AOPEP: variants seen among roughly 807,000 people sequenced by gnomAD.
AOPEP encodes aminopeptidase O (putative).
A neutral mutation model predicts 98.1 loss-of-function variants in AOPEP; 77 were observed. The observed-to-expected ratio is 0.78, with a 90% confidence interval of 0.65 to 0.95. The LOEUF (loss-of-function observed/expected upper bound fraction) is 0.95. AOPEP is among the 40% of genes least tolerant of loss of function. AOPEP has a pLI of 0.00. For missense variants in AOPEP, 1,024 were observed against 1,024.7 expected, an observed-to-expected ratio of 1.00 and a Z score of 0.01; for synonymous variants, 346 against 365.3, an observed-to-expected ratio of 0.95 and a Z score of 0.60.
chr9:94,773,098 T>C lies in AOPEP; in HGVS notation c.894T>C (p.Val298=). 1 of 1,614,184 alleles carries C rather than the reference T, an allele frequency of 6.2e-7. No individual in the cohort carries two copies. Among genetic ancestry groups the C allele is most frequent in the African/African-American group, 1.3e-5 (1 of 75,052 alleles). Residue 298 remains valine (V), a synonymous_variant, in exon 3 of 17, where the codon GTT becomes GTC. Coordinates refer to ENST00000375315, the MANE Select transcript of AOPEP (RefSeq NM_001193329.3). ...PVAMSTWQAT[V]RAAASFVVLM... ...CCATGTCAACATGGCAGGCTACAGT[T>C]CGAGCAGCTGCATCTTTTGTTGTTT...
At chr9:95,037,914 C>T (rs2064967813) in intron 13 of AOPEP, among the ~76,000 whole-genome samples, 1 of 152,116 alleles carries the variant, frequency 6.6e-6, no homozygotes, top group East Asian at 1.9e-4. Flanking sequence ...GAGTGTCATG[C>T]CGTGGTGGGG....
intron 5 of AOPEP, among the ~76,000 whole-genome samples, chr9:94,898,648 GAA>G (rs71366269): frequency 0.031 from 4,123 of 134,790 alleles, 154 homozygotes; most frequent in African/African-American, 0.089. Context: ...AAAATAAAAT[GAA>G]AAAAAAAAAA....
At chr9:95,088,350 C>T (rs2070815843), downstream of AOPEP, among the ~76,000 whole-genome samples, 1 of 152,162 alleles carries the variant, frequency 6.6e-6, no homozygotes, top group South Asian at 2.1e-4. Context: ...GCTGGGATTA[C>T]AGGCTCCCGC....
intron 5 of AOPEP, among the ~76,000 whole-genome samples, chr9:94,906,949 C>A (rs1032729950): frequency 2.0e-4 from 30 of 152,156 alleles, no homozygotes; most frequent in Admixed American, 1.3e-4. Flanking sequence ...GCTGTTCCCC[C>A]CATGTGTACA....
At chr9:95,016,279 A>C (rs1353219977) in intron 13 of AOPEP, among the ~76,000 whole-genome samples, 1 of 115,548 alleles carries the variant, frequency 8.7e-6, no homozygotes, top group Non-Finnish European at 1.7e-5. Context: ...CGTATTCTCT[A>C]TCGCCCAGGC....
At chr9:94,936,305 A>T (rs1457482026) in intron 7 of AOPEP, among the ~76,000 whole-genome samples, 1 of 151,768 alleles carries the variant, frequency 6.6e-6, no homozygotes, top group East Asian at 1.9e-4. Flanking sequence ...CCCCCATCTC[A>T]TCTCTTGTCG....
the AOPEP span, chr9:95,107,008 C>T: frequency 1.3e-6 from 2 of 1,561,922 alleles, no homozygotes; most frequent in South Asian, 1.1e-5. Flanking sequence ...GACAGGTAAC[C>T]CACCTCTCGC....
chr9:94,896,910 GTTTTT>G (rs55947017), intron 5 of AOPEP, among the ~76,000 whole-genome samples: 1 of 115,902 alleles, frequency 8.6e-6, no homozygotes, highest in Non-Finnish European at 1.9e-5. Flanking sequence ...ACTTTTGTGG[GTTTTT>G]TTTTTTTTTT....
At chr9:94,981,536 C>T (rs2060183977) in intron 11 of AOPEP, among the ~76,000 whole-genome samples, 1 of 152,194 alleles carries the variant, frequency 6.6e-6, no homozygotes, top group Non-Finnish European at 1.5e-5. Context: ...TGCGTCTCTT[C>T]TACCCATTTC....
intron 5 of AOPEP, among the ~76,000 whole-genome samples, chr9:94,902,313 T>C (rs1190051427): frequency 6.6e-6 from 1 of 152,216 alleles, no homozygotes; most frequent in Non-Finnish European, 1.5e-5. Flanking sequence ...CTTTATGTGC[T>C]GTGCCTCAGC....
At chr9:94,750,780 G>C (rs540234474) in intron 1 of AOPEP, among the ~76,000 whole-genome samples, 1 of 132,962 alleles carries the variant, frequency 7.5e-6, no homozygotes, top group African/African-American at 2.8e-5. Context: ...TTTGTGAGAC[G>C]GAGTCTCACT....
chr9:95,025,553 G>A (rs115886443), intron 13 of AOPEP, among the ~76,000 whole-genome samples: 66 of 152,312 alleles, frequency 4.3e-4, no homozygotes, highest in African/African-American at 1.6e-3. Flanking sequence ...TCAGGAGTTG[G>A]GAGAAAAGGT....
downstream of AOPEP, among the ~76,000 whole-genome samples, chr9:95,088,507 C>CT (rs1554825553): frequency 6.7e-6 from 1 of 148,970 alleles, no homozygotes; most frequent in Non-Finnish European, 1.5e-5. Flanking sequence ...CTGTACCCGG[C>CT]CTCTCTCTCT....
intron 2 of AOPEP, among the ~76,000 whole-genome samples, chr9:94,767,625 A>C (rs1050575893): frequency 1.3e-5 from 2 of 152,190 alleles, no homozygotes; most frequent in Non-Finnish European, 2.9e-5. Flanking sequence ...GATTTTTTCC[A>C]TGTACACAAT....
chr9:95,103,310 T>C, the AOPEP span, among the ~76,000 whole-genome samples: 1 of 152,158 alleles, frequency 6.6e-6, no homozygotes, highest in Non-Finnish European at 1.5e-5. Context: ...TTCGCAGCCC[T>C]GCAGCCGCCT....
intron 5 of AOPEP, among the ~76,000 whole-genome samples, chr9:94,911,885 G>T (rs1206387634): frequency 6.6e-6 from 1 of 152,114 alleles, no homozygotes; most frequent in East Asian, 1.9e-4. Context: ...AAACAGAAAA[G>T]TATACATCTT....
intron 3 of AOPEP, among the ~76,000 whole-genome samples, chr9:94,783,547 C>T (rs914812211): frequency 1.5e-4 from 22 of 151,718 alleles, no homozygotes; most frequent in African/African-American, 2.7e-4. Context: ...GGTGTAGACG[C>T]GGCATCTGCA....
chr9:94,919,725 T>G (rs913915428), intron 5 of AOPEP, among the ~76,000 whole-genome samples: 2 of 152,046 alleles, frequency 1.3e-5, no homozygotes, highest in African/African-American at 4.8e-5. Context: ...ACTACGAGTC[T>G]ACGGTTTCAC....
At chr9:95,111,294 GACC>G in the AOPEP span, 1 of 1,578,536 alleles carries the variant, frequency 6.3e-7, no homozygotes, top group Non-Finnish European at 8.5e-7. Context: ...GAACGCCTCT[GACC>G]ACAAGGCTGG....
Sources: gnomAD v4.1 joint callset for allele counts (sites outside exome capture counted in the v4.1 genomes callset) on GRCh38, gnomAD v4.1.1 for gene constraint, MANE v1.5 for transcripts, NCBI Gene and HGNC (gene_info 2026-07-23, HGNC 2026-07-21) for gene names.